The following CNTN4 variants were observed in gnomAD, a reference collection of about 807,000 sequenced individuals.
The protein encoded by CNTN4 is contactin-4.
A neutral mutation model predicts 122.5 loss-of-function variants in CNTN4; 77 were observed. The ratio of observed to expected loss-of-function variants is 0.63; its 90% CI spans 0.52 to 0.76. The LOEUF is 0.76. Among genes scored for constraint, CNTN4 ranks in the 30% least tolerant of loss-of-function variants. The pLI is 0.00. For missense variants in CNTN4, 1,256 were observed against 1,259.1 expected (o/e 1.00, Z 0.04); for synonymous variants, 512 against 447.0 (o/e 1.15, Z -1.83).
At chr3:2,976,059 A>T (rs1355326095) in intron 13 of CNTN4, among the ~76,000 whole-genome samples, 3 of 152,138 alleles carry the variant, frequency 2.0e-5, no homozygotes, top group African/African-American at 4.8e-5. Flanking sequence ...CCTTTACTTT[A>T]TTTCCTTTTC....
rs2093367325 is a variant in CNTN4, at chr3:2,841,828, G to T, written c.454+22247G>T. ...AAACGTTTCACCAGGGAAATGGCTGGTAAGAGATTTAGTCCTAGGAGTAGG... is the reference window on the plus strand; with the variant it reads ...AAACGTTTCACCAGGGAAATGGCTGTTAAGAGATTTAGTCCTAGGAGTAGG... On this transcript the variant is annotated intron_variant, in intron 7 of 24. Coordinates refer to ENST00000418658, the MANE Select transcript of CNTN4 (RefSeq NM_175607.3). This position sits in a 1 kb window ranked among gnomAD's most constrained non-coding sequence, Gnocchi z 4.8. Among the ~76,000 whole-genome samples, 1 of 152,128 alleles carries T rather than the reference G, an allele frequency of 6.6e-6. No homozygotes were observed. The highest frequency in any genetic ancestry group is 2.4e-5 in the African/African-American group (1 of 41,416).
chr3:2,593,982 A>G (rs1273628596), intron 4 of CNTN4, among the ~76,000 whole-genome samples: 2 of 152,120 alleles, frequency 1.3e-5, no homozygotes, highest in Admixed American at 6.5e-5. Context: ...GTGTTTTCAG[A>G]CAGTCTCATT....
At chr3:2,166,264 A>G (rs1287158176) in intron 2 of CNTN4, among the ~76,000 whole-genome samples, 2 of 152,122 alleles carry the variant, frequency 1.3e-5, no homozygotes, top group East Asian at 3.9e-4. Flanking sequence ...CAAAACCACA[A>G]TGAAATCTCA....
chr3:2,624,415 C>T (rs952014475), intron 4 of CNTN4, among the ~76,000 whole-genome samples: 1 of 152,024 alleles, frequency 6.6e-6, no homozygotes, highest in African/African-American at 2.4e-5. Context: ...TATTTTGCCA[C>T]AAGTCAGCAT....
At chr3:2,175,705 G>A (rs1209480707) in intron 2 of CNTN4, among the ~76,000 whole-genome samples, 1 of 152,054 alleles carries the variant, frequency 6.6e-6, no homozygotes, top group African/African-American at 2.4e-5. Flanking sequence ...TGTCCCCAAA[G>A]GACTGTGATC....
chr3:2,622,114 G>C (rs914374415), intron 4 of CNTN4, among the ~76,000 whole-genome samples: 1 of 152,132 alleles, frequency 6.6e-6, no homozygotes, highest in Non-Finnish European at 1.5e-5. Flanking sequence ...GTCTACCCTT[G>C]CTCTGCATGC....
intron 3 of CNTN4, among the ~76,000 whole-genome samples, chr3:2,399,063 C>A (rs1002563155): frequency 6.6e-6 from 1 of 151,896 alleles, no homozygotes; most frequent in Non-Finnish European, 1.5e-5. Context: ...TTTGGTCCAA[C>A]CCAGTCATTA....
chr3:2,797,506 G>T (rs556118995), intron 6 of CNTN4, among the ~76,000 whole-genome samples: 3 of 152,272 alleles, frequency 2.0e-5, no homozygotes, highest in South Asian at 4.1e-4. Flanking sequence ...ACTGAGGCAG[G>T]AGAATCACTT....
At chr3:2,915,072 G>A (rs910594659) in intron 12 of CNTN4, among the ~76,000 whole-genome samples, 2 of 123,056 alleles carry the variant, frequency 1.6e-5, no homozygotes, top group African/African-American at 6.4e-5. Flanking sequence ...TCAATACCAT[G>A]TCTTTTTTGT....
At chr3:2,212,495 T>A (rs1271251201) in intron 2 of CNTN4, among the ~76,000 whole-genome samples, 1 of 152,120 alleles carries the variant, frequency 6.6e-6, no homozygotes, top group Non-Finnish European at 1.5e-5. Context: ...AGAGGGTTTG[T>A]GCAGGGGATC....
chr3:2,792,174 A>G (rs1442709758), intron 6 of CNTN4, among the ~76,000 whole-genome samples: 1 of 152,192 alleles, frequency 6.6e-6, no homozygotes, highest in Non-Finnish European at 1.5e-5. Context: ...AGCACTTAAG[A>G]CATGGACATT....
At chr3:2,366,140 C>A (rs537433923) in intron 3 of CNTN4, among the ~76,000 whole-genome samples, 1 of 152,160 alleles carries the variant, frequency 6.6e-6, no homozygotes, top group African/African-American at 2.4e-5. Flanking sequence ...AATTATACTA[C>A]TTTCTCTACT....
chr3:2,375,858 G>C lies in CNTN4; in HGVS notation c.-89+36625G>C, dbSNP rs145545063. ...ATTGCTTGAAAATGTTAAATGCCTTGGTTTTGGTCCAGATGTTCAACTTGC... is the reference window on the plus strand; with the variant it reads ...ATTGCTTGAAAATGTTAAATGCCTTCGTTTTGGTCCAGATGTTCAACTTGC... On this transcript the variant is annotated intron_variant, in intron 3 of 24. Transcript: ENST00000418658. 2.6e-5 allele frequency among the ~76,000 whole-genome samples: 4 copies of C among 151,784 alleles called. No homozygotes were observed. The East Asian group carries it at 7.8e-4, about 30-fold the overall frequency.
chr3:2,296,798 AAACAAC>A (rs754468527), intron 2 of CNTN4, among the ~76,000 whole-genome samples: 14 of 90,588 alleles, frequency 1.5e-4, no homozygotes, highest in Non-Finnish European at 2.7e-4. Context: ...TGAAAAAAAA[AAACAAC>A]AAAAAACTAT....
chr3:2,649,392 AGTGTTCAT>A (rs1263146497), intron 4 of CNTN4, among the ~76,000 whole-genome samples: 1 of 152,190 alleles, frequency 6.6e-6, no homozygotes, highest in East Asian at 1.9e-4. Flanking sequence ...AGTTGAAGAC[AGTGTTCAT>A]TGACCATCCT....
intron 4 of CNTN4, among the ~76,000 whole-genome samples, chr3:2,705,379 A>AC (rs2086602545): frequency 7.1e-6 from 1 of 139,970 alleles, no homozygotes; most frequent in African/African-American, 2.7e-5. Flanking sequence ...AAAAAAAAAA[A>AC]AAAGAATTCT....
chr3:2,674,904 T>G (rs1164358818), intron 4 of CNTN4, among the ~76,000 whole-genome samples: 2 of 152,336 alleles, frequency 1.3e-5, no homozygotes, highest in East Asian at 3.9e-4. Flanking sequence ...GTTCCCAGCC[T>G]CTAGTAGCCT....
rs146741495 is a variant in CNTN4 at position 2,888,576 on chromosome 3, G to A, written c.940+1352G>A. Reference sequence around the variant, plus strand: ...TTTTTCATACCCGGAACCCATGAAGGGTTGCACATGCAGATGGTTCTCCTT... The same window carrying A: ...TTTTTCATACCCGGAACCCATGAAGAGTTGCACATGCAGATGGTTCTCCTT... On this transcript the variant is annotated intron_variant, in intron 10 of 24. Coordinates refer to ENST00000418658, the MANE Select transcript of CNTN4 (RefSeq NM_175607.3). 4.5e-3 allele frequency among the ~76,000 whole-genome samples: 677 copies of A among 152,088 alleles called. 5 individuals are homozygous for A. The highest frequency in any genetic ancestry group is 0.015 in the African/African-American group (642 of 41,464).
chr3:2,747,217 G>A (rs1304706836), intron 6 of CNTN4, among the ~76,000 whole-genome samples: 1 of 151,968 alleles, frequency 6.6e-6, no homozygotes, highest in African/African-American at 2.4e-5. Context: ...AGACCATCCT[G>A]GCTAACACGA....
Sources: allele counts gnomAD v4.1 joint callset (sites outside exome capture counted in the v4.1 genomes callset), GRCh38; gene constraint gnomAD v4.1.1; non-coding constraint Gnocchi (gnomAD v3.1); transcripts MANE v1.5; gene names NCBI Gene and HGNC (gene_info 2026-07-23, HGNC 2026-07-21).